Variants in MAX observed in about 807,000 individuals in gnomAD.
MAX encodes protein max.
Under a neutral mutation model 22.3 loss-of-function variants are expected in MAX, and 3 were observed. The ratio of observed to expected loss-of-function variants is 0.13; its 90% CI spans 0.06 to 0.35. MAX has a LOEUF of 0.35. Among genes scored for constraint, MAX ranks in the 10% least tolerant of loss-of-function variants. The probability of loss-of-function intolerance (pLI) is 1.00; values close to 1 mark genes in which losing one functional copy is unlikely to be tolerated. For synonymous variants in MAX, 72 were observed against 77.7 expected, an observed-to-expected ratio of 0.93 and a Z score of 0.39; for missense variants, 119 against 209.4, an observed-to-expected ratio of 0.57 and a Z score of 2.66.
At position 65,079,581 on chromosome 14, in the gene MAX, CAG is replaced by C. The variant is rs2063151937; in HGVS notation, c.172-1547_172-1546del. On this transcript the variant is annotated intron_variant, in intron 3 of 4. Coordinates refer to ENST00000358664, the MANE Select transcript of MAX (RefSeq NM_002382.5). This position sits in a 1 kb window ranked among gnomAD's most constrained non-coding sequence, Gnocchi z 4.5. The stretch of plus-strand genomic sequence containing the variant: ...AGTAGCTTAAGTATGGCCTTCCAGC[CAG>C]AGACTCCTGAGCAGCCGGAAAGCTT... Among the ~76,000 whole-genome samples, 1 of 152,036 alleles carries C rather than the reference CAG, an allele frequency of 6.6e-6. No individual in the cohort carries two copies. The highest frequency in any genetic ancestry group is 2.4e-5 in the African/African-American group (1 of 41,398).
rs75125987 is a variant in MAX, at chr14:65,075,961, G to GAA, written c.*513_*514dup. 2.8e-5 allele frequency: 23 copies of GAA among 810,236 alleles called. No homozygotes were observed. Among genetic ancestry groups the GAA allele is most frequent in the South Asian group, 1.1e-4 (2 of 17,814 alleles). 50.2% of individuals were successfully genotyped at this position (810,236 alleles called of 1,614,324 possible). On this transcript the variant is annotated 3_prime_UTR_variant, in exon 5 of 5. Transcript: ENST00000358664. The surrounding 1 kb of genome is among the most constrained non-coding windows in gnomAD (Gnocchi z 4.1). ...GCGATACATAGCTTTTTAGAAAAAG[G>GAA]AAAAAAAAAAAACCCTTAAAAAGGA...
Position 65,027,921 on chromosome 14 carries a change from C to A in MAX, c.172-21637G>T, listed in dbSNP as rs759569768. ...CACATGGGATGACATGTCAGTGACA[C>A]GTCAGAATCATTCAGATGTGATGCA... is the stretch of plus-strand genomic sequence containing the variant. On this transcript the variant is annotated intron_variant, in intron 3 of 3. Coordinates refer to the MAX transcript ENST00000341653. The surrounding 1 kb of genome is among the most constrained non-coding windows in gnomAD (Gnocchi z 5.7). 4 of 1,061,504 alleles carry A rather than the reference C, an allele frequency of 3.8e-6. No homozygotes were observed. The highest frequency in any genetic ancestry group is 3.2e-5 in the African/African-American group (2 of 63,200). The allele number at this position is 1,061,504 out of a possible 1,614,324, so 65.8% of individuals were successfully genotyped here. A position where few individuals can be genotyped will look rare whatever the true frequency, so the allele number is the denominator to read the frequency against.
At chr14:65,081,196 T>C (rs988714447) in intron 3 of MAX, among the ~76,000 whole-genome samples, 30 of 152,194 alleles carry the variant, frequency 2.0e-4, no homozygotes, top group Admixed American at 5.2e-4. Flanking sequence ...GGTGCCCTGA[T>C]CCCTCAGCAA....
chr14:65,083,399 T>C (rs2063246838), intron 3 of MAX, among the ~76,000 whole-genome samples: 1 of 152,230 alleles, frequency 6.6e-6, no homozygotes. Context: ...TTTAAAGCAA[T>C]GGTTCTCAAA....
intron 3 of MAX, among the ~76,000 whole-genome samples, chr14:65,086,259 A>G (rs1184881754): frequency 6.6e-6 from 1 of 152,224 alleles, no homozygotes; most frequent in East Asian, 1.9e-4. Context: ...GACTAAATGC[A>G]GTAAATTGGT....
chr14:65,037,962 G>T (rs1424970445), intron 3 of MAX, among the ~76,000 whole-genome samples: 1 of 150,900 alleles, frequency 6.6e-6, no homozygotes, highest in Non-Finnish European at 1.5e-5. Context: ...ACGGGGTTTC[G>T]CCATGTTGAT....
At chr14:65,036,395 C>T (rs1283420191) in intron 3 of MAX, among the ~76,000 whole-genome samples, 1 of 151,806 alleles carries the variant, frequency 6.6e-6, no homozygotes, top group Non-Finnish European at 1.5e-5. Flanking sequence ...TGCCACCACA[C>T]CTGGCTAATT....
chr14:65,012,528 G>T lies in MAX; in HGVS notation c.172-6244C>A, dbSNP rs1814350904. On this transcript the variant is annotated intron_variant, in intron 3 of 3. Coordinates refer to the MAX transcript ENST00000341653. The surrounding 1 kb of genome is among the most constrained non-coding windows in gnomAD (Gnocchi z 5.0). ...TTCTCTGTGGCTCTGGCAGGAGGTA[G>T]GGTGCTGTCACAGAGCTGGGACTCA... The T allele has an allele frequency of 1.1e-5, 13 of 1,202,132 alleles. No individual in the cohort carries two copies. In the South Asian group the frequency reaches 1.9e-4, roughly 17 times the overall value. 74.5% of individuals were successfully genotyped at this position (1,202,132 alleles called of 1,614,324 possible). A position where few individuals can be genotyped will look rare whatever the true frequency, so the allele number is the denominator to read the frequency against.
In MAX at chr14:65,011,722, CT is replaced by C. The variant is rs2061686551; in HGVS notation, c.172-5439del. Among the ~76,000 whole-genome samples, 1 of 152,230 alleles carries C rather than the reference CT, an allele frequency of 6.6e-6. No homozygotes were observed. The highest frequency in any genetic ancestry group is 1.5e-5 in the Non-Finnish European group (1 of 68,036). On this transcript the variant is annotated intron_variant, in intron 3 of 3. Transcript: ENST00000341653. This position sits in a 1 kb window ranked among gnomAD's most constrained non-coding sequence, Gnocchi z 4.0. ...ACATTCCATCTTAAAGCCAGTATTG[CT>C]GACTTGAAAGCCAAGGACAGCGACT...
intron 2 of MAX, chr14:65,094,080 G>A: frequency 4.3e-6 from 2 of 461,638 alleles, no homozygotes; most frequent in Non-Finnish European, 8.1e-6. Context: ...AGTTATTCAG[G>A]GGGACAAAGT....
At chr14:65,018,654 A>G (rs935833019) in intron 3 of MAX, among the ~76,000 whole-genome samples, 3 of 151,376 alleles carry the variant, frequency 2.0e-5, no homozygotes, top group African/African-American at 7.3e-5. Flanking sequence ...TACTAAAAAT[A>G]TAAAAATTAG....
chr14:65,084,338 A>G lies in MAX; in HGVS notation c.172-6302T>C, dbSNP rs1459423011. 8.4e-7 allele frequency: 1 copy of G among 1,195,848 alleles called. No homozygotes were observed. The highest frequency in any genetic ancestry group is 1.7e-5 in the Admixed American group (1 of 59,006). The allele number at this position is 1,195,848 out of a possible 1,614,324, so 74.1% of individuals were successfully genotyped here. A position where few individuals can be genotyped will look rare whatever the true frequency, so the allele number is the denominator to read the frequency against. ...ATGTGGAAAAGCAATTAATTTCACAAGTAATAAATAGAATACAAAATTACT... is the reference window on the plus strand; with the variant it reads ...ATGTGGAAAAGCAATTAATTTCACAGGTAATAAATAGAATACAAAATTACT... On this transcript the variant is annotated intron_variant, in intron 3 of 4. Transcript: ENST00000358664. The surrounding 1 kb of genome is among the most constrained non-coding windows in gnomAD (Gnocchi z 4.3).
At chr14:65,045,395 GCCCCCCAC>G (rs2062453079) in intron 3 of MAX, among the ~76,000 whole-genome samples, 1 of 135,624 alleles carries the variant, frequency 7.4e-6, no homozygotes, top group Admixed American at 7.5e-5. Context: ...CTGTTTCTGA[GCCCCCCAC>G]CCCCCGTCTT....
At chr14:65,051,797 ATTT>A (rs776155113) in intron 3 of MAX, among the ~76,000 whole-genome samples, 1 of 142,090 alleles carries the variant, frequency 7.0e-6, no homozygotes. Flanking sequence ...CACCATAGGA[ATTT>A]TTTTTTTTTT....
At position 65,012,138 on chromosome 14, in the gene MAX, CT is replaced by C. The variant is rs375311267; in HGVS notation, c.172-5855del. 994 of 634,574 alleles carry C rather than the reference CT, an allele frequency of 1.6e-3. 5 individuals are homozygous for C. The highest frequency in any genetic ancestry group is 0.012 in the African/African-American group (648 of 54,184). 39.3% of individuals were successfully genotyped at this position (634,574 alleles called of 1,614,324 possible). ...TGCTTTAGAGACATTCAGACAAGAG[CT>C]TCTTTTCTCTGGTTTAGTTGCTCTT... On this transcript the variant is annotated intron_variant, in intron 3 of 3. Transcript: ENST00000341653. This position sits in a 1 kb window ranked among gnomAD's most constrained non-coding sequence, Gnocchi z 5.0.
At chr14:65,066,899 G>C (rs1262503416) in intron 3 of MAX, among the ~76,000 whole-genome samples, 2 of 150,588 alleles carry the variant, frequency 1.3e-5, no homozygotes, top group East Asian at 3.9e-4. Context: ...TTTTAGTTCG[G>C]GTGTGATGGC....
chr14:65,067,103 T>G (rs1456208050), intron 3 of MAX, among the ~76,000 whole-genome samples: 1 of 151,126 alleles, frequency 6.6e-6, no homozygotes, highest in Non-Finnish European at 1.5e-5. Flanking sequence ...GGGGGTCACT[T>G]GAGCCTGAGA....
In MAX at chr14:65,030,953, G is replaced by A. The variant is rs757639048; in HGVS notation, c.172-24669C>T. 4.0e-5 allele frequency among the ~76,000 whole-genome samples: 6 copies of A among 151,760 alleles called. No homozygotes were observed. Among genetic ancestry groups the A allele is most frequent in the African/African-American group, 7.3e-5 (3 of 41,274 alleles). On this transcript the variant is annotated intron_variant, in intron 3 of 3. Coordinates refer to the MAX transcript ENST00000341653. The surrounding 1 kb of genome is among the most constrained non-coding windows in gnomAD (Gnocchi z 4.5). ...CTCCCAAGTAGCTGGGATTACAGGC[G>A]TGTGCCACCATGCCCAGCTAATTTT...
intron 3 of MAX, chr14:65,015,475 A>G (rs2061755383): frequency 2.2e-6 from 1 of 464,444 alleles, no homozygotes; most frequent in Non-Finnish European, 3.7e-6. Context: ...GCCACAAAGC[A>G]AAGTGTCCTT....
Sources: allele counts gnomAD v4.1 joint callset (sites outside exome capture counted in the v4.1 genomes callset), GRCh38; gene constraint gnomAD v4.1.1; non-coding constraint Gnocchi (gnomAD v3.1); transcripts MANE v1.5; gene names NCBI Gene and HGNC (gene_info 2026-07-23, HGNC 2026-07-21).